Variants in SPOCK3 observed in about 807,000 individuals in gnomAD.
SPOCK3 encodes SPARC (osteonectin), cwcv and kazal like domains proteoglycan 3, also known as testican-3.
In SPOCK3, 30 loss-of-function variants were observed where a neutral mutation model predicts 56.6. The observed-to-expected ratio is 0.53, with a 90% CI of 0.40 to 0.72. The LOEUF (loss-of-function observed/expected upper bound fraction) is 0.72. Among genes scored for constraint, SPOCK3 ranks in the 30% least tolerant of loss-of-function variants. The probability of loss-of-function intolerance (pLI) is 0.00; values close to 1 mark genes in which losing one functional copy is unlikely to be tolerated. For synonymous variants in SPOCK3, 196 were observed against 183.3 expected, an observed-to-expected ratio of 1.07 and a Z score of -0.56; for missense variants, 527 against 530.0, an observed-to-expected ratio of 0.99 and a Z score of 0.06.
intron 5 of SPOCK3, among the ~76,000 whole-genome samples, chr4:166,905,423 T>C (rs933212050): frequency 6.6e-6 from 1 of 152,028 alleles, no homozygotes; most frequent in East Asian, 1.9e-4. Flanking sequence ...TTTTAGTATA[T>C]AGTAACAAAA....
At chr4:167,121,630 A>G (rs1048462746) in intron 2 of SPOCK3, among the ~76,000 whole-genome samples, 2 of 152,160 alleles carry the variant, frequency 1.3e-5, no homozygotes, top group African/African-American at 4.8e-5. Context: ...ATGTGACTGC[A>G]TAACAAAATT....
chr4:167,124,742 C>T (rs910614092), intron 2 of SPOCK3, among the ~76,000 whole-genome samples: 1 of 152,044 alleles, frequency 6.6e-6, no homozygotes, highest in Non-Finnish European at 1.5e-5. Flanking sequence ...AGATAGAAGC[C>T]CTCAATTGTC....
At chr4:167,234,204 G>T in intron 1 of SPOCK3, 31 bp from the exon 2 acceptor site, 1 of 1,580,938 alleles carries the variant, frequency 6.3e-7, no homozygotes, top group Non-Finnish European at 8.7e-7. Flanking sequence ...GGGGGTGGGG[G>T]GGCATGTCAG....
chr4:167,124,704 T>G (rs1762127717), intron 2 of SPOCK3, among the ~76,000 whole-genome samples: 1 of 152,206 alleles, frequency 6.6e-6, no homozygotes, highest in Non-Finnish European at 1.5e-5. Context: ...GAATGCCTCT[T>G]TTGAAACATA....
intron 6 of SPOCK3, among the ~76,000 whole-genome samples, chr4:166,857,594 G>T (rs1468943139): frequency 6.6e-6 from 1 of 152,122 alleles, no homozygotes; most frequent in African/African-American, 2.4e-5. Flanking sequence ...TGCAACTGAG[G>T]TAAAACTTGG....
chr4:166,898,216 A>AT (rs1735616972), intron 5 of SPOCK3, among the ~76,000 whole-genome samples: 1 of 151,752 alleles, frequency 6.6e-6, no homozygotes, highest in South Asian at 2.1e-4. Context: ...AAAAAAAAAT[A>AT]TTTTTCATGT....
chr4:166,846,696 A>AT, intron 6 of SPOCK3, among the ~76,000 whole-genome samples: 1 of 152,248 alleles, frequency 6.6e-6, no homozygotes, highest in South Asian at 2.1e-4. Flanking sequence ...TAAGAGCTTA[A>AT]TACTGTAGTG....
At chr4:166,931,701 T>G (rs1202121796) in intron 4 of SPOCK3, among the ~76,000 whole-genome samples, 2 of 152,224 alleles carry the variant, frequency 1.3e-5, no homozygotes, top group African/African-American at 2.4e-5. Flanking sequence ...TGTGTTTATT[T>G]TCACTCTAAA....
At chr4:167,119,972 G>A (rs1227688353) in intron 2 of SPOCK3, 16 of 689,540 alleles carry the variant, frequency 2.3e-5, no homozygotes, top group Non-Finnish European at 3.7e-5. Context: ...TTAAAAATGG[G>A]TAAATCGCTT....
intron 3 of SPOCK3, among the ~76,000 whole-genome samples, chr4:167,055,760 C>A (rs192057246): frequency 6.6e-6 from 1 of 152,336 alleles, no homozygotes; most frequent in African/African-American, 2.4e-5. Context: ...AGGGAGCCCG[C>A]CATTGCCCAG....
chr4:167,082,756 A>AAGGAAGGGAGGG (rs1554033258), intron 2 of SPOCK3, among the ~76,000 whole-genome samples: 1 of 112,218 alleles, frequency 8.9e-6, no homozygotes, highest in African/African-American at 4.2e-5. Context: ...GGAAGGAAGG[A>AAGGAAGGGAGGG]AGGGAGGGAG....
chr4:167,111,957 A>G (rs1340801803), intron 2 of SPOCK3, among the ~76,000 whole-genome samples: 1 of 151,914 alleles, frequency 6.6e-6, no homozygotes, highest in African/African-American at 2.4e-5. Flanking sequence ...ATGAGGTGTC[A>G]CTATGTTTCC....
At chr4:167,205,560 A>T (rs1226977779) in intron 2 of SPOCK3, among the ~76,000 whole-genome samples, 3 of 74,418 alleles carry the variant, frequency 4.0e-5, no homozygotes, top group African/African-American at 1.7e-4. Flanking sequence ...AATATATAAT[A>T]TATATTATAT....
At chr4:167,152,667 T>C (rs1580450053) in intron 2 of SPOCK3, among the ~76,000 whole-genome samples, 1 of 152,222 alleles carries the variant, frequency 6.6e-6, no homozygotes, top group African/African-American at 2.4e-5. Context: ...TGCTTGTTGA[T>C]GGCTGAGAGC....
At chr4:167,230,376 T>G (rs1580699803) in intron 2 of SPOCK3, among the ~76,000 whole-genome samples, 3 of 151,978 alleles carry the variant, frequency 2.0e-5, no homozygotes, top group Admixed American at 6.6e-5. Context: ...TCCTAATATA[T>G]TCACAAGAAT....
chr4:166,947,935 C>T (rs1035087407), intron 4 of SPOCK3, among the ~76,000 whole-genome samples: 3 of 152,104 alleles, frequency 2.0e-5, no homozygotes, highest in Admixed American at 2.0e-4. Context: ...CTGTAGTCAG[C>T]CTACTGGGTA....
At position 166,792,199 on chromosome 4, in the gene SPOCK3, G is replaced by A; in HGVS notation, c.680C>T (p.Thr227Ile). The A allele has an allele frequency of 1.9e-6, 3 of 1,613,844 alleles. No homozygotes were observed. The highest frequency in any genetic ancestry group is 2.5e-6 in the Non-Finnish European group (3 of 1,179,846). ...LHESGSQNKK[T>I]KTLLRPERSR... The stretch of plus-strand genomic sequence containing the variant: ...TCTCTCAGGCCTCAGCAATGTTTTT[G>A]TCTTCTTGTTTTGACTTCCACTTTC... The change falls in exon 7 of 11, where the codon ACA becomes ATA. Residue 227 changes from threonine (T) to isoleucine (I), a missense_variant. By Grantham distance (89) the Thr-to-Ile change is moderately conservative. Coordinates refer to ENST00000357545, the MANE Select transcript of SPOCK3 (RefSeq NM_001040159.2).
chr4:167,202,750 G>A (rs1237080098), intron 2 of SPOCK3, among the ~76,000 whole-genome samples: 2 of 148,862 alleles, frequency 1.3e-5, no homozygotes, highest in African/African-American at 2.5e-5. Context: ...AAACTTATGT[G>A]TATTCAATAA....
chr4:166,963,837 G>T (rs567818461), intron 4 of SPOCK3, among the ~76,000 whole-genome samples: 1 of 151,702 alleles, frequency 6.6e-6, no homozygotes, highest in South Asian at 2.1e-4. Context: ...ACTTTCAAAA[G>T]CATAAATGAG....
Sources: allele counts gnomAD v4.1 joint callset (sites outside exome capture counted in the v4.1 genomes callset), GRCh38; gene constraint gnomAD v4.1.1; transcripts MANE v1.5; gene names NCBI Gene and HGNC (gene_info 2026-07-23, HGNC 2026-07-21).